NEURL4: variants seen among roughly 807,000 people sequenced by gnomAD.
The protein encoded by NEURL4 is neuralized-like protein 4.
Under a neutral mutation model 148.0 loss-of-function variants are expected in NEURL4, and 45 were observed. The observed-to-expected ratio is 0.30, with a 90% CI of 0.24 to 0.39. The LOEUF (loss-of-function observed/expected upper bound fraction) is 0.39. NEURL4 is among the 10% of genes least tolerant of loss of function. The pLI is 1.00. For missense variants in NEURL4, 1,776 were observed against 2,144.0 expected (o/e 0.83, Z 3.39); for synonymous variants, 854 against 869.0 (o/e 0.98, Z 0.30).
Position 7,318,411 on chromosome 17 carries a change from T to G in NEURL4, c.3865-55A>C. 1 of 1,609,624 alleles carries G rather than the reference T, an allele frequency of 6.2e-7. No homozygotes were observed. Among genetic ancestry groups the G allele is most frequent in the South Asian group, 1.1e-5 (1 of 90,948 alleles). On this transcript the variant is annotated intron_variant, in intron 23 of 28. Transcript: ENST00000399464. This position sits in a 1 kb window ranked among gnomAD's most constrained non-coding sequence, Gnocchi z 4.3. ...TTGGTCAGACCCCAGGGCCTGCTGA[T>G]CCCTCCCTGGAACAGAGATTTCCCC...
chr17:7,323,939 G>C lies in NEURL4; in HGVS notation c.2136C>G (p.Ala712=), dbSNP rs200538912. 6.2e-7 allele frequency: 1 copy of C among 1,613,344 alleles called. No individual in the cohort carries two copies. ...GATGGAAGCGCAGGTCAGAGCCCCC[G>C]GCCCCTGAGGACGGAGAGCTTGGAG... ...QVSPSSPSSG[A]GGSDLRFHQL... is the part of the protein sequence containing the mutation. The change falls in exon 12 of 29, where the codon GCC becomes GCG. Residue 712 remains alanine, a synonymous_variant. Coordinates refer to ENST00000399464, the MANE Select transcript of NEURL4 (RefSeq NM_032442.3).
At chr17:7,317,696 A>G (rs1336882550) in intron 26 of NEURL4, 92 bp downstream of exon 26, 1 of 1,580,172 alleles carries the variant, frequency 6.3e-7, no homozygotes, top group Non-Finnish European at 8.6e-7. Context: ...TTAGACAGGA[A>G]GTTCTATTAC....
chr17:7,319,103 T>C lies in NEURL4; in HGVS notation c.3631A>G (p.Lys1211Glu). The change falls in exon 22 of 29, where the codon AAA becomes GAA. Residue 1211 changes from lysine (K) to glutamate (E), a missense_variant. By Grantham distance (56) the Lys-to-Glu change is moderately conservative (BLOSUM62 1). Transcript: ENST00000399464. Reference sequence around the variant, plus strand: ...CCCCGCAGCAGCCAGGCTGCCCGTTTGAGGGCACAGGCAGAAGCAGGGAAG... The same window carrying C: ...CCCCGCAGCAGCCAGGCTGCCCGTTCGAGGGCACAGGCAGAAGCAGGGAAG... ...LNFPASACALKRAAWLLRGRG... is the reference protein window; with the variant it reads ...LNFPASACALERAAWLLRGRG... 1 of 1,614,034 alleles carries C rather than the reference T, an allele frequency of 6.2e-7. No individual in the cohort carries two copies. The highest frequency in any genetic ancestry group is 1.1e-5 in the South Asian group (1 of 91,072).
In NEURL4 at chr17:7,321,333, C is replaced by T. The variant is rs780030322; in HGVS notation, c.3198+28G>A. 1.9e-6 allele frequency: 3 copies of T among 1,613,782 alleles called. No homozygotes were observed. In the African/African-American group the frequency reaches 4.0e-5, roughly 22 times the overall value. On this transcript the variant is annotated intron_variant, in intron 19 of 28. Coordinates refer to ENST00000399464, the MANE Select transcript of NEURL4 (RefSeq NM_032442.3). This position sits in a 1 kb window ranked among gnomAD's most constrained non-coding sequence, Gnocchi z 6.3. ...CAGCAGAAGACCTCAACCATCCTCC[C>T]AGAACCCAAGGAAGCGTTCAGGTCT...
chr17:7,325,581 C>T, intron 7 of NEURL4, 60 bp downstream of exon 7: 1 of 1,583,632 alleles, frequency 6.3e-7, no homozygotes, highest in East Asian at 2.2e-5. Flanking sequence ...TGAGGTACAG[C>T]CCCCAGTCCC....
intron 26 of NEURL4, 40 bp downstream of exon 26, chr17:7,317,748 G>A (rs751443387): frequency 1.9e-6 from 3 of 1,606,592 alleles, no homozygotes; most frequent in Non-Finnish European, 1.7e-6. Context: ...TCTCCAGGGG[G>A]AAAACAGTAG....
chr17:7,327,656 G>A lies in NEURL4; in HGVS notation c.511C>T (p.Leu171Phe), dbSNP rs1345874380. Residue 171 changes from leucine to phenylalanine, a missense_variant, in exon 2 of 29, where the codon CTC becomes TTC. Transcript: ENST00000399464. The surrounding 1 kb of genome is among the most constrained non-coding windows in gnomAD (Gnocchi z 6.6). ...VERTVAGELR[L>F]WVNGRDCGVA... ...CCGCAATCCCGCCCATTCACCCAGA[G>A]CCGAAGCTCCCCAGCAACTGTGCGC... 6.2e-7 allele frequency: 1 copy of A among 1,613,736 alleles called. No homozygotes were observed. The highest frequency in any genetic ancestry group is 8.5e-7 in the Non-Finnish European group (1 of 1,180,000).
chr17:7,325,263 T>C lies in NEURL4; in HGVS notation c.1577A>G (p.Asn526Ser), dbSNP rs763900412. The change falls in exon 8 of 29, where the codon AAC (asparagine) becomes AGC (serine). Residue 526 changes from asparagine to serine, a missense_variant. Coordinates refer to ENST00000399464, the MANE Select transcript of NEURL4 (RefSeq NM_032442.3). The stretch of plus-strand genomic sequence containing the variant: ...GGTGATGGCTGCCTTCTGCCCACAG[T>C]TGGGGTGGAAGAGCAGGCGCTCAGG... ...AEPERLLFHP[N>S]CGQKAAITHE... 1 of 1,604,592 alleles carries C rather than the reference T, an allele frequency of 6.2e-7. No individual in the cohort carries two copies. Among genetic ancestry groups the C allele is most frequent in the Non-Finnish European group, 8.5e-7 (1 of 1,176,430 alleles).
chr17:7,317,760 G>T, intron 26 of NEURL4, 28 bp downstream of exon 26: 1 of 1,609,662 alleles, frequency 6.2e-7, no homozygotes, highest in Admixed American at 1.7e-5. Flanking sequence ...AAACAGTAGG[G>T]GAAAGGCATG....
chr17:7,320,592 G>C (rs958509984), intron 21 of NEURL4, among the ~76,000 whole-genome samples, 167 bp downstream of exon 21: 2 of 152,176 alleles, frequency 1.3e-5, no homozygotes, highest in African/African-American at 4.8e-5. Context: ...TAGGGACTTC[G>C]TGGTAACTGA....
In NEURL4 at chr17:7,321,571, C is replaced by T. The variant is rs1211070226; in HGVS notation, c.3088G>A (p.Glu1030Lys). Residue 1030 changes from glutamate (E) to lysine (K), a missense_variant, in exon 18 of 29, where the codon GAG becomes AAG. Coordinates refer to ENST00000399464, the MANE Select transcript of NEURL4 (RefSeq NM_032442.3). This position sits in a 1 kb window ranked among gnomAD's most constrained non-coding sequence, Gnocchi z 6.3. ...GCCAGCCACTTCACCCCCAGCCTCT[C>T]TAGGTTCCGGCCATAGTTCATCCTC... ...LQRMNYGRNL[E>K]RLGVGSRVGV... 1 of 1,614,138 alleles carries T rather than the reference C, an allele frequency of 6.2e-7. No homozygotes were observed. The highest frequency in any genetic ancestry group is 1.1e-5 in the South Asian group (1 of 91,088).
At chr17:7,316,863 A>G (rs1012315978) in intron 28 of NEURL4, among the ~76,000 whole-genome samples, 1 of 152,158 alleles carries the variant, frequency 6.6e-6, no homozygotes, top group Admixed American at 6.5e-5. Context: ...TGGAGGTTGC[A>G]GTGAGATCAC....
chr17:7,322,701 C>T lies in NEURL4; in HGVS notation c.2725+34G>A. The T allele has an allele frequency of 1.2e-6, 2 of 1,601,354 alleles. No individual in the cohort carries two copies. Among genetic ancestry groups the T allele is most frequent in the Non-Finnish European group, 1.7e-6 (2 of 1,176,650 alleles). On this transcript the variant is annotated intron_variant, in intron 16 of 28. Coordinates refer to ENST00000399464, the MANE Select transcript of NEURL4 (RefSeq NM_032442.3). This position sits in a 1 kb window ranked among gnomAD's most constrained non-coding sequence, Gnocchi z 5.5. ...ACTCCTCAGGTGCACAGCAGGCAAG[C>T]AGAGCCCGTCCAGCCCCCGCCCTGC...
At position 7,326,958 on chromosome 17, in the gene NEURL4, G is replaced by A. The variant is rs1280050997; in HGVS notation, c.845C>T (p.Ala282Val). The change falls in exon 4 of 29, where the codon GCC becomes GTC. Residue 282 changes from alanine to valine, a missense_variant. Physicochemically the swap from Ala to Val is moderately conservative, Grantham distance 64. Transcript: ENST00000399464. This position sits in a 1 kb window ranked among gnomAD's most constrained non-coding sequence, Gnocchi z 6.0. ...CACATTCAGGAGCCCTCCATTGTAG[G>A]CAGACAGGATGGTGTTGCTCACCAC... The part of the protein sequence containing the change: ...SEVVSNTILS[A>V]YNGGLLNVNL... 1 of 1,613,426 alleles carries A rather than the reference G, an allele frequency of 6.2e-7. No homozygotes were observed. The highest frequency in any genetic ancestry group is 2.2e-5 in the East Asian group (1 of 44,876).
At chr17:7,325,144 T>TGGGGGGGGGGGGGGGGGCGGG in intron 8 of NEURL4, 65 bp downstream of exon 8, 1 of 956,488 alleles carries the variant, frequency 1.0e-6, no homozygotes, top group Non-Finnish European at 1.5e-6. Context: ...TCCACTTCCT[T>TGGGGGGGGGGGGGGGGGCGGG]GCCCCGCCCC....
At position 7,326,289 on chromosome 17, in the gene NEURL4, C is replaced by T. The variant is rs746885371; in HGVS notation, c.1259G>A (p.Arg420Gln). ...ATCCAGACTGAATTCGCAGTACTCCCGGCGGGTGCCCTTGCCATTGGTCAG... is the reference window on the plus strand; with the variant it reads ...ATCCAGACTGAATTCGCAGTACTCCTGGCGGGTGCCCTTGCCATTGGTCAG... ...GILTNGKGTR[R>Q]EYCEFSLDEL... is the part of the protein sequence containing the mutation. Residue 420 changes from arginine (R) to glutamine (Q), a missense_variant, in exon 6 of 29, where the codon CGG (arginine) becomes CAG (glutamine). Transcript: ENST00000399464. The surrounding 1 kb of genome is among the most constrained non-coding windows in gnomAD (Gnocchi z 6.0). The T allele has an allele frequency of 1.3e-5, 21 of 1,614,016 alleles. No homozygotes were observed. Among genetic ancestry groups the T allele is most frequent in the Admixed American group, 1.7e-5 (1 of 60,008 alleles).
Position 7,316,265 on chromosome 17 carries a change from C to T in NEURL4, c.4547G>A (p.Arg1516His), listed in dbSNP as rs768497141. The part of the protein sequence containing the change: ...QAQVAFQVCV[R>H]PGSYTPGPPS... ...GGGTCCCGGGGTGTAGGAGCCAGGG[C>T]GCACACACACCTGGAACGCCACCTG... Residue 1516 changes from arginine to histidine, a missense_variant, in exon 29 of 29, where the codon CGC becomes CAC. Physicochemically the swap from Arg to His is conservative, Grantham distance 29. Coordinates refer to ENST00000399464, the MANE Select transcript of NEURL4 (RefSeq NM_032442.3). 1.9e-6 allele frequency: 3 copies of T among 1,613,598 alleles called. No homozygotes were observed. Among genetic ancestry groups the T allele is most frequent in the Non-Finnish European group, 2.5e-6 (3 of 1,179,932 alleles).
At position 7,321,010 on chromosome 17, in the gene NEURL4, G is replaced by T; in HGVS notation, c.3361-87C>A. 1.3e-6 allele frequency: 2 copies of T among 1,591,482 alleles called. No individual in the cohort carries two copies. Among genetic ancestry groups the T allele is most frequent in the South Asian group, 1.1e-5 (1 of 89,366 alleles). ...TGGAGTTTGCACAGATCCTGAGTGT[G>T]AGCCTCCACCCAACGATCAGAGAAC... On this transcript the variant is annotated intron_variant, in intron 20 of 28. Coordinates refer to ENST00000399464, the MANE Select transcript of NEURL4 (RefSeq NM_032442.3). This position sits in a 1 kb window ranked among gnomAD's most constrained non-coding sequence, Gnocchi z 6.3.
chr17:7,321,973 G>T lies in NEURL4; in HGVS notation c.2763C>A (p.Gly921=). ...CATCCTCCTCTAGAGTGACGTTCTT[G>T]CCGCAAGTACTGTGGAATCGGTGAG... ...GVAHRFHSTC[G]KNVTLEEDGT... is the part of the protein sequence containing the mutation. Residue 921 remains glycine (G), a synonymous_variant, in exon 17 of 29, where the codon GGC becomes GGA. Coordinates refer to ENST00000399464, the MANE Select transcript of NEURL4 (RefSeq NM_032442.3). The surrounding 1 kb of genome is among the most constrained non-coding windows in gnomAD (Gnocchi z 6.3). 6.2e-7 allele frequency: 1 copy of T among 1,612,824 alleles called. No individual in the cohort carries two copies.
Sources: gnomAD v4.1 joint callset for allele counts (sites outside exome capture counted in the v4.1 genomes callset) on GRCh38, gnomAD v4.1.1 for gene constraint, Gnocchi (gnomAD v3.1) non-coding constraint, MANE v1.5 for transcripts, NCBI Gene and HGNC (gene_info 2026-07-23, HGNC 2026-07-21) for gene names.